The following OXSR1 variants were observed in gnomAD, a reference collection of about 807,000 sequenced individuals.
The protein encoded by OXSR1 is oxidative stress responsive kinase 1.
A neutral mutation model predicts 79.8 loss-of-function variants in OXSR1; 24 were observed. The ratio of observed to expected loss-of-function variants is 0.30; its 90% CI spans 0.22 to 0.42. The LOEUF is 0.42. Ranked by LOEUF, OXSR1 falls within the 10% of genes least tolerant of loss-of-function variation. The pLI is 1.00. For missense variants in OXSR1, 430 were observed against 618.4 expected (o/e 0.70, Z 3.23); for synonymous variants, 226 against 209.2 (o/e 1.08, Z -0.69).
chr3:38,179,468 A>G (rs968926110), intron 1 of OXSR1, among the ~76,000 whole-genome samples: 4 of 152,168 alleles, frequency 2.6e-5, no homozygotes, highest in Non-Finnish European at 5.9e-5. Context: ...TTTCTGGCCT[A>G]TAACAGCTTT....
chr3:38,202,254 G>T (rs1053400690), intron 4 of OXSR1, among the ~76,000 whole-genome samples: 5 of 152,212 alleles, frequency 3.3e-5, no homozygotes, highest in African/African-American at 1.2e-4. Context: ...CTCAGGCAGG[G>T]ATTGTCTCTG....
chr3:38,249,351 T>C (rs888800317), intron 14 of OXSR1, among the ~76,000 whole-genome samples: 1 of 152,136 alleles, frequency 6.6e-6, no homozygotes, highest in African/African-American at 2.4e-5. Context: ...TGGAGTCATA[T>C]AGTAACTCTG....
intron 4 of OXSR1, among the ~76,000 whole-genome samples, chr3:38,211,106 C>G (rs941865781): frequency 2.0e-5 from 3 of 152,184 alleles, no homozygotes; most frequent in African/African-American, 7.2e-5. Flanking sequence ...AAACTGCTGT[C>G]TCTTTGACCC....
Position 38,246,365 on chromosome 3 carries a change from A to G in OXSR1, c.1257+144A>G, listed in dbSNP as rs957962738. 1.8e-5 allele frequency: 14 copies of G among 760,030 alleles called. No homozygotes were observed. The African/African-American group carries it at 2.1e-4, about 11-fold the overall frequency. The allele number at this position is 760,030 out of a possible 1,614,324, so 47.1% of individuals were successfully genotyped here. A position where few individuals can be genotyped will look rare whatever the true frequency, so the allele number is the denominator to read the frequency against. ...TAGAAATTCTGTCTTCACATTTTTA[A>G]GCATGTACAGGTAAGAGAATTTTAC... On this transcript the variant is annotated intron_variant, in intron 13 of 17. Transcript: ENST00000311806.
chr3:38,166,664 G>T (rs560596491), intron 1 of OXSR1, among the ~76,000 whole-genome samples: 1 of 151,820 alleles, frequency 6.6e-6, no homozygotes, highest in Non-Finnish European at 1.5e-5. Context: ...GGTGGTGCGC[G>T]CCTGTAATCC....
intron 4 of OXSR1, among the ~76,000 whole-genome samples, chr3:38,215,270 C>T (rs1206201670): frequency 6.6e-6 from 1 of 152,162 alleles, no homozygotes; most frequent in African/African-American, 2.4e-5. Context: ...TTTAACCTTT[C>T]TACTGTTGCT....
chr3:38,178,620 A>ATTTTT (rs71085303), intron 1 of OXSR1, among the ~76,000 whole-genome samples: 9 of 95,124 alleles, frequency 9.5e-5, no homozygotes, highest in Admixed American at 1.2e-4. Flanking sequence ...ATATATATAT[A>ATTTTT]TTTTTTTTTT....
At chr3:38,171,178 C>G (rs1166923833) in intron 1 of OXSR1, among the ~76,000 whole-genome samples, 4 of 152,114 alleles carry the variant, frequency 2.6e-5, no homozygotes, top group Non-Finnish European at 5.9e-5. Context: ...ATTTTCCCAA[C>G]AGGGAGAAAA....
intron 10 of OXSR1, 23 bp from the exon 11 acceptor site, chr3:38,236,816 C>T (rs764209088): frequency 1.3e-6 from 2 of 1,577,448 alleles, no homozygotes; most frequent in African/African-American, 1.4e-5. Context: ...CCACCATAAC[C>T]CACTTCTCTT....
intron 4 of OXSR1, among the ~76,000 whole-genome samples, chr3:38,213,946 A>T (rs1236309758): frequency 3.9e-5 from 6 of 152,194 alleles, no homozygotes; most frequent in African/African-American, 1.4e-4. Context: ...GTTCCATGTC[A>T]ACATGTATGT....
intron 2 of OXSR1, among the ~76,000 whole-genome samples, chr3:38,186,735 C>T (rs1012752957): frequency 6.6e-6 from 1 of 152,162 alleles, no homozygotes; most frequent in Non-Finnish European, 1.5e-5. Flanking sequence ...GCTGTTTCTA[C>T]TTCTTGGCTT....
intron 10 of OXSR1, among the ~76,000 whole-genome samples, chr3:38,230,917 C>G (rs1297496244): frequency 6.6e-6 from 1 of 152,182 alleles, no homozygotes; most frequent in African/African-American, 2.4e-5. Context: ...GTCCATGATA[C>G]TTTTATGAAC....
intron 4 of OXSR1, 57 bp from the exon 5 acceptor site, chr3:38,216,039 A>G: frequency 9.5e-7 from 1 of 1,056,806 alleles, no homozygotes; most frequent in South Asian, 1.4e-5. Flanking sequence ...TGCTTAAATT[A>G]TGTTACTCCA....
intron 7 of OXSR1, among the ~76,000 whole-genome samples, chr3:38,224,253 A>G (rs1702644783): frequency 6.6e-6 from 1 of 152,206 alleles, no homozygotes; most frequent in Admixed American, 6.6e-5. Flanking sequence ...AGAATCACAC[A>G]GTGTTTATCT....
chr3:38,239,060 A>C (rs186064070), intron 11 of OXSR1, among the ~76,000 whole-genome samples: 1 of 152,258 alleles, frequency 6.6e-6, no homozygotes, highest in Non-Finnish European at 1.5e-5. Flanking sequence ...ATCTTCTGCT[A>C]ATCCCATCCA....
At chr3:38,211,421 A>G (rs1241794535) in intron 4 of OXSR1, among the ~76,000 whole-genome samples, 3 of 152,228 alleles carry the variant, frequency 2.0e-5, no homozygotes, top group Admixed American at 6.5e-5. Context: ...TTGTTCCTAT[A>G]AAATGACTTT....
chr3:38,165,936 G>A lies in OXSR1; in HGVS notation c.60G>A (p.Gln20=). The A allele has an allele frequency of 3.7e-6, 6 of 1,611,430 alleles. No individual in the cohort carries two copies. The highest frequency in any genetic ancestry group is 5.1e-6 in the Non-Finnish European group (6 of 1,179,554). ...TCAACAGGGACGATTACGAGCTGCA[G>A]GAGGTGATCGGTGAGAGCAGGCGCT... The part of the protein sequence containing the change: ...WSINRDDYEL[Q]EVIGSGATAV... Residue 20 remains glutamine (Q), a synonymous_variant, in exon 1 of 18, where the codon CAG becomes CAA. Transcript: ENST00000311806.
intron 4 of OXSR1, among the ~76,000 whole-genome samples, chr3:38,208,791 A>T (rs994053205): frequency 2.6e-5 from 4 of 152,180 alleles, no homozygotes; most frequent in African/African-American, 9.7e-5. Flanking sequence ...AGTCCCAGCT[A>T]CTTGGGAGGC....
intron 3 of OXSR1, chr3:38,193,565 C>T (rs1702022116): frequency 4.8e-6 from 2 of 419,526 alleles, no homozygotes; most frequent in African/African-American, 4.2e-5. Flanking sequence ...TTCTCTCGTC[C>T]ATATCTGTAT....
Sources: allele counts gnomAD v4.1 joint callset (sites outside exome capture counted in the v4.1 genomes callset), GRCh38; gene constraint gnomAD v4.1.1; transcripts MANE v1.5; gene names NCBI Gene and HGNC (gene_info 2026-07-23, HGNC 2026-07-21).